Variants in EFHB observed in about 807,000 individuals in gnomAD.
EFHB encodes EF-hand domain family member B.
Under a neutral mutation model 87.2 loss-of-function variants are expected in EFHB, and 91 were observed. The ratio of observed to expected loss-of-function variants is 1.04; its 90% CI spans 0.88 to 1.24. The LOEUF (loss-of-function observed/expected upper bound fraction) is 1.24. Ranked by LOEUF, EFHB falls within the 50% of genes most tolerant of loss-of-function variation. EFHB has a pLI of 0.00. For synonymous variants in EFHB, 325 were observed against 333.6 expected (o/e 0.97, Z 0.28); for missense variants, 1,084 against 998.8 (o/e 1.09, Z -1.15).
intron 1 of EFHB, chr3:19,942,059 G>A (rs1259547164): frequency 6.6e-6 from 1 of 152,194 alleles, no homozygotes; most frequent in Admixed American, 6.6e-5. Flanking sequence ...TCAGGAGGCT[G>A]AGGCAGGAGA....
In EFHB at chr3:19,922,526, A is replaced by C. The variant is rs1295649146; in HGVS notation, c.790-1959T>G. ...ATTAATAGGAGCATTAATAAGTAAA[A>C]GTATACTTTCTGTAATGCATTTCCT... On this transcript the variant is annotated intron_variant, in intron 1 of 12. Transcript: ENST00000295824. 2.0e-5 allele frequency among the ~76,000 whole-genome samples: 3 copies of C among 152,284 alleles called. No individual in the cohort carries two copies. The South Asian group carries it at 6.2e-4, about 32-fold the overall frequency.
At chr3:19,935,817 C>G (rs889417887), upstream of EFHB, among the ~76,000 whole-genome samples, 1 of 151,898 alleles carries the variant, frequency 6.6e-6, no homozygotes, top group Admixed American at 6.6e-5. Context: ...CGAGACCATC[C>G]TGGCCAACAT....
At chr3:19,940,860 T>C (rs1372371115) in intron 1 of EFHB, 27 of 367,816 alleles carry the variant, frequency 7.3e-5, no homozygotes, top group South Asian at 3.3e-4. Context: ...TTCATAAACC[T>C]GAATAAGCAC....
intron 6 of EFHB, among the ~76,000 whole-genome samples, chr3:19,903,832 A>G (rs929925212): frequency 6.6e-6 from 1 of 152,190 alleles, no homozygotes; most frequent in Non-Finnish European, 1.5e-5. Context: ...TCTAGAGCCA[A>G]TACTGCCTGG....
intron 1 of EFHB, chr3:19,943,195 T>C (rs1559481487): frequency 3.9e-6 from 1 of 258,968 alleles, no homozygotes; most frequent in Non-Finnish European, 8.2e-6. Context: ...AAAGGTGACA[T>C]AGCTTGGAGT....
At chr3:19,942,734 T>C (rs1286894984) in intron 1 of EFHB, among the ~76,000 whole-genome samples, 1 of 152,146 alleles carries the variant, frequency 6.6e-6, no homozygotes, top group South Asian at 2.1e-4. Flanking sequence ...TAAGAAGTGC[T>C]AGATCCCTTG....
At chr3:19,936,873 T>TAATAAATAAATA (rs71634883), upstream of EFHB, among the ~76,000 whole-genome samples, 194 of 136,682 alleles carry the variant, frequency 1.4e-3, no homozygotes, top group South Asian at 3.2e-3. Context: ...CATCTCAAAA[T>TAATAAATAAATA]AATAAATAAA....
intron 3 of EFHB, among the ~76,000 whole-genome samples, chr3:19,919,443 C>G (rs901797036): frequency 2.0e-5 from 3 of 150,760 alleles, no homozygotes; most frequent in Non-Finnish European, 3.0e-5. Flanking sequence ...CTGATCTTAG[C>G]GGATCCCCCT....
At chr3:19,905,902 T>C (rs751679135) in intron 5 of EFHB, among the ~76,000 whole-genome samples, 153 bp from the exon 6 acceptor site, 10 of 152,316 alleles carry the variant, frequency 6.6e-5, no homozygotes, top group Non-Finnish European at 1.2e-4. Flanking sequence ...TAGCTACAGA[T>C]GACAGAAGCA....
At chr3:19,890,342 G>T (rs1694262857) in intron 9 of EFHB, among the ~76,000 whole-genome samples, 1 of 152,154 alleles carries the variant, frequency 6.6e-6, no homozygotes, top group African/African-American at 2.4e-5. Flanking sequence ...AGGGCTCCAG[G>T]TCTTCAAGAG....
At chr3:19,935,856 A>C (rs1261984115), upstream of EFHB, among the ~76,000 whole-genome samples, 1 of 151,924 alleles carries the variant, frequency 6.6e-6, no homozygotes, top group Non-Finnish European at 1.5e-5. Context: ...CTTAAAATAC[A>C]AAAATTAGCT....
At chr3:19,903,112 G>A (rs1694727643) in intron 6 of EFHB, among the ~76,000 whole-genome samples, 1 of 151,848 alleles carries the variant, frequency 6.6e-6, no homozygotes, top group Non-Finnish European at 1.5e-5. Context: ...AGAAGGCAAA[G>A]GTTGCAGTGA....
intron 6 of EFHB, among the ~76,000 whole-genome samples, 166 bp downstream of exon 6, chr3:19,905,454 G>A (rs555393996): frequency 1.3e-5 from 2 of 152,140 alleles, no homozygotes; most frequent in South Asian, 2.1e-4. Context: ...GATAGGATGG[G>A]TGTCAGAAGT....
In EFHB at chr3:19,884,415, T is replaced by C; in HGVS notation, c.2134A>G (p.Ile712Val). ...SSEINAIVGA[I>V]PSTCYPICGV... ...ATAAGTGACATACAAGTAGAAGGAA[T>C]GGCTCCTACAATTGCATTGATCTCA... The change falls in exon 11 of 13, where the codon ATT becomes GTT. Residue 712 changes from isoleucine to valine, a missense_variant. Coordinates refer to ENST00000295824, the MANE Select transcript of EFHB (RefSeq NM_144715.4). The C allele has an allele frequency of 1.9e-6, 3 of 1,613,444 alleles. No homozygotes were observed. Among genetic ancestry groups the C allele is most frequent in the East Asian group, 4.5e-5 (2 of 44,856 alleles).
upstream of EFHB, among the ~76,000 whole-genome samples, chr3:19,938,239 T>C (rs2125170890): frequency 6.6e-6 from 1 of 152,356 alleles, no homozygotes; most frequent in South Asian, 2.1e-4. Flanking sequence ...TACGGTAGTG[T>C]TCCGTATCTC....
chr3:19,896,787 T>A lies in EFHB; in HGVS notation c.1625A>T (p.Asp542Val), dbSNP rs965678891. The change falls in exon 9 of 13, where the codon GAT (aspartate) becomes GTT (valine). Residue 542 changes from aspartate (D) to valine (V), a missense_variant. Physicochemically the swap from Asp to Val is radical, Grantham distance 152. Transcript: ENST00000295824. Reference protein sequence around the residue: ...RLPDEYLRGKDRQRALIAAVR... With the variant: ...RLPDEYLRGKVRQRALIAAVR... ...TGCTGCAATCAGGGCTCGCTGTCTA[T>A]CCTTGCCTCGAAGATATTCATCCGG... 2 of 1,613,906 alleles carry A rather than the reference T, an allele frequency of 1.2e-6. No individual in the cohort carries two copies. Among genetic ancestry groups the A allele is most frequent in the African/African-American group, 2.7e-5 (2 of 74,936 alleles).
At chr3:19,892,855 CTAAAATAAAA>C (rs202053738) in intron 9 of EFHB, among the ~76,000 whole-genome samples, 59 of 136,968 alleles carry the variant, frequency 4.3e-4, no homozygotes, top group Middle Eastern at 7.2e-3. Flanking sequence ...AATCTCATCT[CTAAAATAAAA>C]TAAAATAAAA....
At chr3:19,888,358 G>T in intron 10 of EFHB, 86 bp downstream of exon 10, 1 of 737,002 alleles carries the variant, frequency 1.4e-6, no homozygotes, top group Non-Finnish European at 1.8e-6. Flanking sequence ...GCAACATAGT[G>T]AGACCTCGTC....
chr3:19,915,458 CT>C, intron 4 of EFHB, 45 bp from the exon 5 acceptor site: 1 of 1,304,728 alleles, frequency 7.7e-7, no homozygotes, highest in Non-Finnish European at 1.1e-6. Context: ...ACTTTTTAAC[CT>C]ATTTATAATA....
Sources: gnomAD v4.1 joint callset for allele counts (sites outside exome capture counted in the v4.1 genomes callset) on GRCh38, gnomAD v4.1.1 for gene constraint, MANE v1.5 for transcripts, NCBI Gene and HGNC (gene_info 2026-07-23, HGNC 2026-07-21) for gene names.